Variants in TPGS2 observed in about 807,000 individuals in gnomAD.
The protein encoded by TPGS2 is tubulin polyglutamylase complex subunit 2, also known as polyglutamylase subunit 2.
A neutral mutation model predicts 31.1 loss-of-function variants in TPGS2; 26 were observed. The observed-to-expected ratio is 0.84, with a 90% CI of 0.61 to 1.16. The LOEUF is 1.16. TPGS2 is among the 50% of genes most tolerant of loss of function. The pLI, the probability that TPGS2 is intolerant of heterozygous loss-of-function variation, is 0.00. For missense variants in TPGS2, 351 were observed against 363.8 expected (o/e 0.96, Z 0.29); for synonymous variants, 130 against 136.6 (o/e 0.95, Z 0.34).
At chr18:36,797,176 T>A in intron 6 of TPGS2, 126 bp from the exon 7 acceptor site, 1 of 1,521,380 alleles carries the variant, frequency 6.6e-7, no homozygotes, top group Non-Finnish European at 8.8e-7. Flanking sequence ...AAAAACTGCC[T>A]AAAAATCTAT....
intron 2 of TPGS2, among the ~76,000 whole-genome samples, chr18:36,815,532 C>T (rs959876399): frequency 2.0e-5 from 3 of 152,112 alleles, no homozygotes; most frequent in East Asian, 1.9e-4. Context: ...TGTAAGGGAT[C>T]CCAATGCCTA....
intron 6 of TPGS2, among the ~76,000 whole-genome samples, chr18:36,783,988 CG>C (rs1244881481): frequency 5.3e-5 from 8 of 151,950 alleles, no homozygotes; most frequent in Admixed American, 5.2e-4. Context: ...TGAAGACAGA[CG>C]AAATTGGAGT....
chr18:36,803,011 T>C (rs1841030770), intron 4 of TPGS2, among the ~76,000 whole-genome samples: 3 of 152,186 alleles, frequency 2.0e-5, no homozygotes, highest in Admixed American at 2.0e-4. Context: ...CAAATAATAA[T>C]TGTATATATT....
chr18:36,828,814 GA>G lies in TPGS2; in HGVS notation c.-48del, dbSNP rs1020333465. On this transcript the variant is annotated 5_prime_UTR_variant, in exon 1 of 7. Transcript: ENST00000334295. ...CGCGGCGGGAGCGGGTGGAGGGCCG[GA>G]CCCCGCCTCAGCGCCGAGGCCAATT... The G allele has an allele frequency of 5.0e-6, 8 of 1,600,108 alleles. No individual in the cohort carries two copies. The African/African-American group carries it at 1.1e-4, about 21-fold the overall frequency.
At chr18:36,819,586 C>T (rs1176039909) in intron 1 of TPGS2, among the ~76,000 whole-genome samples, 1 of 152,198 alleles carries the variant, frequency 6.6e-6, no homozygotes, top group Non-Finnish European at 1.5e-5. Flanking sequence ...CTATCATTCA[C>T]TCTGAGGGAG....
chr18:36,826,442 G>GT (rs1568036790), intron 1 of TPGS2, among the ~76,000 whole-genome samples: 21 of 144,898 alleles, frequency 1.4e-4, no homozygotes, highest in South Asian at 2.3e-4. Context: ...GTGTGTGTGT[G>GT]GATTCCTTAG....
chr18:36,781,315 G>T (rs1323327787), downstream of TPGS2, among the ~76,000 whole-genome samples: 1 of 152,152 alleles, frequency 6.6e-6, no homozygotes, highest in Non-Finnish European at 1.5e-5. Context: ...ATTTCGAGGG[G>T]TTGAAAAATC....
At chr18:36,814,253 A>T (rs888073466) in intron 2 of TPGS2, among the ~76,000 whole-genome samples, 10 of 152,252 alleles carry the variant, frequency 6.6e-5, no homozygotes, top group Non-Finnish European at 1.0e-4. Flanking sequence ...TGCTTGAAAG[A>T]TGAAAAGCTC....
chr18:36,828,092 C>T (rs1007345978), intron 1 of TPGS2, among the ~76,000 whole-genome samples: 3 of 152,114 alleles, frequency 2.0e-5, no homozygotes, highest in Non-Finnish European at 4.4e-5. Context: ...TGCTTGAACC[C>T]AGGAGGCGCA....
chr18:36,813,716 T>C (rs1454562016), intron 2 of TPGS2, among the ~76,000 whole-genome samples: 2 of 152,198 alleles, frequency 1.3e-5, no homozygotes, highest in African/African-American at 4.8e-5. Context: ...AAGCAACAAA[T>C]AGCTAAATAG....
chr18:36,780,203 T>C (rs565304542), downstream of TPGS2: 5 of 1,231,646 alleles, frequency 4.1e-6, no homozygotes, highest in African/African-American at 3.1e-5. Context: ...ATTTTGTTAA[T>C]AGAGTGAGTA....
Position 36,796,112 on chromosome 18 carries a change from G to A in TPGS2, c.*693C>T, listed in dbSNP as rs1240566061. ...CTTTATAGGAAGCTGCAAAAGAAAT[G>A]AGCAGAGCGAGATATTTGTGGTAAG... is the stretch of plus-strand genomic sequence containing the variant. On this transcript the variant is annotated 3_prime_UTR_variant, in exon 7 of 7. Coordinates refer to ENST00000334295, the MANE Select transcript of TPGS2 (RefSeq NM_015476.4). 1 of 985,324 alleles carries A rather than the reference G, an allele frequency of 1.0e-6. No individual in the cohort carries two copies. The highest frequency in any genetic ancestry group is 1.7e-5 in the African/African-American group (1 of 57,248). The allele number at this position is 985,324 out of a possible 1,614,324, so 61.0% of individuals were successfully genotyped here.
downstream of TPGS2, among the ~76,000 whole-genome samples, chr18:36,781,072 A>G (rs922856550): frequency 6.6e-6 from 1 of 152,122 alleles, no homozygotes; most frequent in Non-Finnish European, 1.5e-5. Context: ...GAACCAAATC[A>G]CTGTTCTGTG....
chr18:36,828,802 G>T lies in TPGS2; in HGVS notation c.-35C>A. The T allele has an allele frequency of 6.2e-7, 1 of 1,608,534 alleles. No individual in the cohort carries two copies. Among genetic ancestry groups the T allele is most frequent in the Non-Finnish European group, 8.5e-7 (1 of 1,177,508 alleles). On this transcript the variant is annotated 5_prime_UTR_variant, in exon 1 of 7. Coordinates refer to ENST00000334295, the MANE Select transcript of TPGS2 (RefSeq NM_015476.4). ...CCGCGATTCGCGCGCGGCGGGAGCG[G>T]GTGGAGGGCCGGACCCCGCCTCAGC...
At chr18:36,823,655 C>T (rs55976931) in intron 1 of TPGS2, 18,841 of 166,184 alleles carry the variant, frequency 0.11, 1,312 homozygotes, top group Admixed American at 0.16. Context: ...AGAGACGGGG[C>T]TTCACCGTGT....
chr18:36,818,835 A>G, intron 2 of TPGS2, 59 bp downstream of exon 2: 2 of 1,465,196 alleles, frequency 1.4e-6, no homozygotes, highest in East Asian at 2.3e-5. Context: ...TTTCCTTCTC[A>G]GGGACATTTA....
At chr18:36,799,780 G>C (rs1043402972) in intron 5 of TPGS2, among the ~76,000 whole-genome samples, 1 of 152,110 alleles carries the variant, frequency 6.6e-6, no homozygotes, top group African/African-American at 2.4e-5. Flanking sequence ...GGGCAGAGAG[G>C]CTTTTAATTT....
chr18:36,780,451 A>C (rs1424310251), downstream of TPGS2, among the ~76,000 whole-genome samples: 3 of 152,310 alleles, frequency 2.0e-5, no homozygotes, highest in Admixed American at 1.3e-4. Context: ...TAAATCACCA[A>C]AACAAAATGG....
chr18:36,798,458 T>C lies in TPGS2; in HGVS notation c.648A>G (p.Pro216=). The C allele has an allele frequency of 1.9e-6, 3 of 1,614,204 alleles. No homozygotes were observed. Among genetic ancestry groups the C allele is most frequent in the Non-Finnish European group, 2.5e-6 (3 of 1,180,042 alleles). The change falls in exon 6 of 7, where the codon CCA becomes CCG. Residue 216 remains proline, a synonymous_variant. Transcript: ENST00000334295. ...QYAFTSYGIS[P]QAKQWFSMYK... ...GGTGTTCCTCCCTTACCTTGGCCTGTGGGCTAATGCCATAGCTGGTGAAGG... is the reference window on the plus strand; with the variant it reads ...GGTGTTCCTCCCTTACCTTGGCCTGCGGGCTAATGCCATAGCTGGTGAAGG...
Sources: gnomAD v4.1 joint callset for allele counts (sites outside exome capture counted in the v4.1 genomes callset) on GRCh38, gnomAD v4.1.1 for gene constraint, MANE v1.5 for transcripts, NCBI Gene and HGNC (gene_info 2026-07-23, HGNC 2026-07-21) for gene names.